The following ANKRD10 variants were observed in gnomAD, a reference collection of about 807,000 sequenced individuals.
ANKRD10 encodes the protein ankyrin repeat domain-containing protein 10.
ANKRD10 carries 14 observed loss-of-function variants against 27.0 expected under a neutral mutation model. The ratio of observed to expected loss-of-function variants is 0.52; its 90% CI spans 0.34 to 0.81. ANKRD10 has a LOEUF of 0.81. Among genes scored for constraint, ANKRD10 ranks in the 40% least tolerant of loss-of-function variants. The pLI, the probability that ANKRD10 is intolerant of heterozygous loss-of-function variation, is 0.01. For missense variants in ANKRD10, 493 were observed against 544.0 expected (o/e 0.91, Z 0.93); for synonymous variants, 250 against 224.5 (o/e 1.11, Z -1.01).
At chr13:110,894,049 GA>G in intron 3 of ANKRD10, 1 of 1,200,684 alleles carries the variant, frequency 8.3e-7, no homozygotes, top group Non-Finnish European at 1.2e-6. Flanking sequence ...ATTCAAGTAG[GA>G]AGTGATGGCA....
At chr13:110,881,635 C>G (rs1470941162) in intron 5 of ANKRD10, among the ~76,000 whole-genome samples, 2 of 152,020 alleles carry the variant, frequency 1.3e-5, no homozygotes, top group Admixed American at 1.3e-4. Context: ...ACAAGTTATT[C>G]CCAGGGGAAA....
At chr13:110,913,647 T>G (rs1292258802) in intron 1 of ANKRD10, among the ~76,000 whole-genome samples, 1 of 152,212 alleles carries the variant, frequency 6.6e-6, no homozygotes, top group Non-Finnish European at 1.5e-5. Context: ...AACCGCAACT[T>G]CATCAGCTGG....
chr13:110,881,018 A>T (rs976620897), intron 5 of ANKRD10, among the ~76,000 whole-genome samples: 2 of 152,246 alleles, frequency 1.3e-5, no homozygotes, highest in African/African-American at 4.8e-5. Flanking sequence ...GAGACGTCTT[A>T]TGGGATAAAA....
At chr13:110,898,202 G>A (rs752886962) in intron 3 of ANKRD10, among the ~76,000 whole-genome samples, 3 of 152,076 alleles carry the variant, frequency 2.0e-5, no homozygotes, top group Non-Finnish European at 4.4e-5. Context: ...AATAAACCAG[G>A]CAATGTGCTT....
At chr13:110,910,864 T>C (rs1015425196) in intron 1 of ANKRD10, 94 bp from the exon 2 acceptor site, 4 of 1,292,580 alleles carry the variant, frequency 3.1e-6, no homozygotes, top group Non-Finnish European at 3.1e-6. Flanking sequence ...TGGTGACAAA[T>C]GGCATTGTTA....
chr13:110,900,809 G>A, intron 3 of ANKRD10: 1 of 610,946 alleles, frequency 1.6e-6, no homozygotes, highest in Non-Finnish European at 2.6e-6. Flanking sequence ...CATATTTGCA[G>A]GCAACATTTG....
At chr13:110,911,312 C>T (rs1389609130) in intron 1 of ANKRD10, among the ~76,000 whole-genome samples, 20 of 151,310 alleles carry the variant, frequency 1.3e-4, no homozygotes, top group African/African-American at 2.4e-5. Context: ...ATTAGCCGGG[C>T]GTGGTGGCGG....
intron 1 of ANKRD10, among the ~76,000 whole-genome samples, chr13:110,912,383 C>A (rs1470478236): frequency 1.3e-5 from 2 of 152,352 alleles, no homozygotes; most frequent in South Asian, 4.1e-4. Context: ...CTTCAACCAA[C>A]TTGGACCTGG....
At chr13:110,900,433 G>A (rs897355097) in intron 3 of ANKRD10, 71 of 890,852 alleles carry the variant, frequency 8.0e-5, no homozygotes, top group Non-Finnish European at 9.7e-5. Flanking sequence ...AAATAGAAAG[G>A]TAGATATCAT....
chr13:110,913,131 G>A (rs2065768816), intron 1 of ANKRD10, among the ~76,000 whole-genome samples: 1 of 152,186 alleles, frequency 6.6e-6, no homozygotes, highest in Non-Finnish European at 1.5e-5. Flanking sequence ...AGGCACCACT[G>A]GATTAAATTT....
At chr13:110,900,755 G>A (rs1390586820) in intron 3 of ANKRD10, 15 of 1,167,134 alleles carry the variant, frequency 1.3e-5, no homozygotes, top group Non-Finnish European at 1.7e-5. Context: ...GATTTAAAAC[G>A]GGCAATGGTT....
chr13:110,885,445 G>A (rs1304275950), intron 4 of ANKRD10, among the ~76,000 whole-genome samples: 1 of 152,126 alleles, frequency 6.6e-6, no homozygotes, highest in East Asian at 1.9e-4. Flanking sequence ...CTACTGGGGA[G>A]GCTGAGGCAG....
intron 5 of ANKRD10, among the ~76,000 whole-genome samples, chr13:110,882,209 G>T (rs970591608): frequency 1.3e-5 from 2 of 152,182 alleles, no homozygotes; most frequent in Non-Finnish European, 2.9e-5. Flanking sequence ...GTACACAGTT[G>T]TTCAAAAATG....
In ANKRD10 at chr13:110,900,518, C is replaced by T. The variant is rs1041077022; in HGVS notation, c.455+5515G>A. 16 of 1,288,836 alleles carry T rather than the reference C, an allele frequency of 1.2e-5. No homozygotes were observed. In the East Asian group the frequency reaches 3.0e-4, roughly 24 times the overall value. 79.8% of individuals were successfully genotyped at this position (1,288,836 alleles called of 1,614,324 possible). On this transcript the variant is annotated intron_variant, in intron 3 of 5. Transcript: ENST00000267339. The stretch of plus-strand genomic sequence containing the variant: ...CTAGATTAGCGTTAAAACCAATCAC[C>T]GCAACAAATACCTCAACAGTATGCC...
chr13:110,882,352 G>A (rs2064836500), intron 5 of ANKRD10, among the ~76,000 whole-genome samples: 1 of 152,182 alleles, frequency 6.6e-6, no homozygotes, highest in African/African-American at 2.4e-5. Context: ...CAGTGGACGT[G>A]GAGTGCCATG....
chr13:110,881,292 A>G (rs2064811987), intron 5 of ANKRD10, among the ~76,000 whole-genome samples: 1 of 152,152 alleles, frequency 6.6e-6, no homozygotes, highest in African/African-American at 2.4e-5. Context: ...ACATCCGATT[A>G]CCCTAACATG....
chr13:110,906,265 C>G (rs2065530381), intron 2 of ANKRD10, 141 bp from the exon 3 acceptor site: 2 of 662,952 alleles, frequency 3.0e-6, no homozygotes, highest in Admixed American at 2.9e-5. Context: ...AAGCAGAACA[C>G]AAAGAAATCT....
chr13:110,896,968 C>T (rs9559902), intron 3 of ANKRD10, among the ~76,000 whole-genome samples: 48,472 of 144,402 alleles, frequency 0.34, 8,180 homozygotes, highest in East Asian at 0.7. Flanking sequence ...TTGTAAATTC[C>T]AATACAATGT....
At chr13:110,892,438 G>GAAAAAAAAAAAAAAAAAAAA (rs2065105005) in intron 4 of ANKRD10, among the ~76,000 whole-genome samples, 1 of 11,090 alleles carries the variant, frequency 9.0e-5, no homozygotes, top group African/African-American at 3.3e-4. Flanking sequence ...AAAAAAAAAT[G>GAAAAAAAAAAAAAAAAAAAA]GTGGGAGAAT....
Sources: allele counts gnomAD v4.1 joint callset (sites outside exome capture counted in the v4.1 genomes callset), GRCh38; gene constraint gnomAD v4.1.1; transcripts MANE v1.5; gene names NCBI Gene and HGNC (gene_info 2026-07-23, HGNC 2026-07-21).